Variants in TMPRSS11F observed in about 807,000 individuals in gnomAD.
The protein encoded by TMPRSS11F is transmembrane protease serine 11F.
In TMPRSS11F, 47 loss-of-function variants were observed where a neutral mutation model predicts 60.2. The observed-to-expected ratio is 0.78, with a 90% CI of 0.62 to 1.00. TMPRSS11F has a LOEUF of 1.00. Ranked by LOEUF, TMPRSS11F falls within the 50% of genes least tolerant of loss-of-function variation. The pLI is 0.00. For synonymous variants in TMPRSS11F, 166 were observed against 167.3 expected, an observed-to-expected ratio of 0.99 and a Z score of 0.06; for missense variants, 519 against 522.9, an observed-to-expected ratio of 0.99 and a Z score of 0.07.
chr4:68,062,130 C>G (rs1723193543), intron 8 of TMPRSS11F: 1 of 443,312 alleles, frequency 2.3e-6, no homozygotes, highest in Admixed American at 2.5e-5. Flanking sequence ...ACACCAGGGA[C>G]TGGCCAAACT....
chr4:68,109,503 G>A (rs903888885), intron 1 of TMPRSS11F, among the ~76,000 whole-genome samples: 6 of 152,232 alleles, frequency 3.9e-5, no homozygotes, highest in Non-Finnish European at 7.4e-5. Context: ...AATTTTATAA[G>A]TCTGCTTCTT....
At chr4:68,059,161 T>C (rs1386162951) in intron 9 of TMPRSS11F, among the ~76,000 whole-genome samples, 165 bp downstream of exon 9, 1 of 152,130 alleles carries the variant, frequency 6.6e-6, no homozygotes, top group Non-Finnish European at 1.5e-5. Context: ...TTAGCGTATA[T>C]TAAACACTCA....
intron 2 of TMPRSS11F, among the ~76,000 whole-genome samples, chr4:68,096,963 G>A (rs967033799): frequency 7.2e-5 from 11 of 152,080 alleles, no homozygotes; most frequent in Non-Finnish European, 1.2e-4. Flanking sequence ...AATTCTTTCT[G>A]CTATAAAAAT....
intron 9 of TMPRSS11F, among the ~76,000 whole-genome samples, chr4:68,058,110 G>A (rs28469008): frequency 0.68 from 102,967 of 152,050 alleles, 36,727 homozygotes; most frequent in East Asian, 0.88. Flanking sequence ...TTGCTAGTCA[G>A]AGGGTGCAAA....
intron 3 of TMPRSS11F, among the ~76,000 whole-genome samples, chr4:68,090,094 T>C (rs1031049497): frequency 3.9e-5 from 6 of 152,080 alleles, no homozygotes; most frequent in Admixed American, 3.9e-4. Context: ...CATAACTAGA[T>C]CTAAGATTAA....
chr4:68,121,267 C>A (rs1484452332), intron 1 of TMPRSS11F, among the ~76,000 whole-genome samples: 1 of 152,112 alleles, frequency 6.6e-6, no homozygotes, highest in Non-Finnish European at 1.5e-5. Flanking sequence ...TAAAATGTTT[C>A]TTAAGGAATC....
intron 5 of TMPRSS11F, among the ~76,000 whole-genome samples, chr4:68,071,811 A>G (rs1308963719): frequency 6.6e-6 from 1 of 152,218 alleles, no homozygotes; most frequent in African/African-American, 2.4e-5. Context: ...GAAACAAGCT[A>G]GAGAACCTCT....
At chr4:68,064,604 TAA>T (rs1395099356) in intron 8 of TMPRSS11F, 79 bp downstream of exon 8, 4 of 1,475,208 alleles carry the variant, frequency 2.7e-6, no homozygotes, top group Non-Finnish European at 3.7e-6. Flanking sequence ...ATTAAAAGCT[TAA>T]GAGGGATTCT....
intron 9 of TMPRSS11F, among the ~76,000 whole-genome samples, chr4:68,055,141 A>G (rs1468890208): frequency 2.0e-5 from 3 of 152,204 alleles, no homozygotes; most frequent in Non-Finnish European, 4.4e-5. Flanking sequence ...GTGGATGTAG[A>G]GAGGAGTGTA....
chr4:68,120,961 C>G (rs1470028326), intron 1 of TMPRSS11F, among the ~76,000 whole-genome samples: 3 of 152,168 alleles, frequency 2.0e-5, no homozygotes, highest in Non-Finnish European at 4.4e-5. Flanking sequence ...ATAGTGTAAA[C>G]ATAACTTTTA....
intron 1 of TMPRSS11F, among the ~76,000 whole-genome samples, chr4:68,124,648 T>G (rs1329708437): frequency 6.6e-6 from 1 of 152,214 alleles, no homozygotes; most frequent in Non-Finnish European, 1.5e-5. Context: ...TTTGCCTAAT[T>G]ATAAAAAGAA....
At chr4:68,093,227 A>G (rs926320831) in intron 2 of TMPRSS11F, among the ~76,000 whole-genome samples, 1 of 152,208 alleles carries the variant, frequency 6.6e-6, no homozygotes, top group East Asian at 1.9e-4. Context: ...AATCACAACA[A>G]TTTTCTGAAG....
At chr4:68,115,714 T>C (rs1724504885) in intron 1 of TMPRSS11F, among the ~76,000 whole-genome samples, 1 of 152,158 alleles carries the variant, frequency 6.6e-6, no homozygotes, top group Non-Finnish European at 1.5e-5. Flanking sequence ...TATTTCCATA[T>C]ACAAGCATTT....
chr4:68,120,185 T>C lies in TMPRSS11F; in HGVS notation c.11+9625A>G, dbSNP rs59748152. Reference sequence around the variant, plus strand: ...ATGGATCAAAAAAGAAAGTGGTTTTTTGAGATAGAAACTATTCCTGGTGAA... The same window carrying C: ...ATGGATCAAAAAAGAAAGTGGTTTTCTGAGATAGAAACTATTCCTGGTGAA... On this transcript the variant is annotated intron_variant, in intron 1 of 9. Coordinates refer to ENST00000356291, the MANE Select transcript of TMPRSS11F (RefSeq NM_207407.2). 1.4e-3 allele frequency among the ~76,000 whole-genome samples: 206 copies of C among 152,278 alleles called. 1 individual carries two copies. The highest frequency in any genetic ancestry group is 4.7e-3 in the African/African-American group (196 of 41,544).
Position 68,068,647 on chromosome 4 carries a change from C to T in TMPRSS11F, c.726G>A (p.Trp242Ter). The T allele has an allele frequency of 6.2e-7, 1 of 1,614,164 alleles. No homozygotes were observed. Among genetic ancestry groups the T allele is most frequent in the Non-Finnish European group, 8.5e-7 (1 of 1,180,018 alleles). The change falls in exon 7 of 10, where the codon TGG (tryptophan) becomes TGA (stop). Residue 242 changes from tryptophan (W) to a stop codon, truncating the protein, a stop_gained. Transcript: ENST00000356291. LOFTEE classifies it high-confidence loss of function. ...AAAAGCAGTGAGCTGCTGTGAGCAGCCATGTGTTACTGATGAGGCTGGCTC... is the reference window on the plus strand; with the variant it reads ...AAAAGCAGTGAGCTGCTGTGAGCAGTCATGTGTTACTGATGAGGCTGGCTC... ...QCGASLISNT[W>*]LLTAAHCFWK... is the part of the protein sequence containing the mutation.
intron 1 of TMPRSS11F, among the ~76,000 whole-genome samples, chr4:68,112,330 C>T (rs1431451661): frequency 6.6e-6 from 1 of 152,098 alleles, no homozygotes; most frequent in Admixed American, 6.5e-5. Context: ...ATCCTATTCA[C>T]CCTTCAAGAT....
chr4:68,055,156 G>A (rs1036614400), intron 9 of TMPRSS11F, among the ~76,000 whole-genome samples: 15 of 152,242 alleles, frequency 9.9e-5, no homozygotes, highest in Middle Eastern at 3.4e-3. Context: ...AGTGTAAGAG[G>A]GGCAAATAGT....
At chr4:68,094,901 A>T (rs1371359769) in intron 2 of TMPRSS11F, among the ~76,000 whole-genome samples, 1 of 152,022 alleles carries the variant, frequency 6.6e-6, no homozygotes, top group Non-Finnish European at 1.5e-5. Flanking sequence ...TGATTCTTAA[A>T]AATCCTGAAA....
chr4:68,105,686 G>T (rs1724290906), intron 1 of TMPRSS11F, among the ~76,000 whole-genome samples: 1 of 152,088 alleles, frequency 6.6e-6, no homozygotes, highest in Non-Finnish European at 1.5e-5. Flanking sequence ...ACAGTTTATA[G>T]TTAAGAATAT....
Sources: allele counts gnomAD v4.1 joint callset (sites outside exome capture counted in the v4.1 genomes callset), GRCh38; gene constraint gnomAD v4.1.1; transcripts MANE v1.5; gene names NCBI Gene and HGNC (gene_info 2026-07-23, HGNC 2026-07-21).